NEO1: variants seen among roughly 807,000 people sequenced by gnomAD.
NEO1 encodes neogenin.
Under a neutral mutation model 159.7 loss-of-function variants are expected in NEO1, and 63 were observed. The ratio of observed to expected loss-of-function variants is 0.39; its 90% confidence interval spans 0.32 to 0.49. The LOEUF (loss-of-function observed/expected upper bound fraction) is 0.49, where lower values mean the gene tolerates loss of function less well. NEO1 is among the 20% of genes least tolerant of loss of function. The pLI, the probability that NEO1 is intolerant of heterozygous loss-of-function variation, is 0.85. For missense variants in NEO1, 1,615 were observed against 1,831.0 expected (o/e 0.88, Z 2.15); for synonymous variants, 633 against 662.0 (o/e 0.96, Z 0.67).
At chr15:73,075,657 T>C (rs1567138470) in intron 1 of NEO1, among the ~76,000 whole-genome samples, 1 of 33,756 alleles carries the variant, frequency 3.0e-5, no homozygotes, top group African/African-American at 8.6e-5. Flanking sequence ...CATGTGAAGA[T>C]TGAGCCTGTT....
chr15:73,249,481 T>C, intron 10 of NEO1, 102 bp from the exon 11 acceptor site: 1 of 1,277,878 alleles, frequency 7.8e-7, no homozygotes. Context: ...AGGGATAAAA[T>C]CTGTTTCATG....
chr15:73,263,302 T>A (rs2040718368), intron 15 of NEO1, among the ~76,000 whole-genome samples: 1 of 151,516 alleles, frequency 6.6e-6, no homozygotes, highest in Non-Finnish European at 1.5e-5. Context: ...CAAATGATTC[T>A]CCTGCCTCAA....
chr15:73,236,155 A>G, intron 7 of NEO1, 192 bp from the exon 8 acceptor site: 1 of 745,174 alleles, frequency 1.3e-6, no homozygotes, highest in Non-Finnish European at 2.1e-6. Context: ...GGCCTTTTTT[A>G]TGTTCATTCA....
intron 7 of NEO1, among the ~76,000 whole-genome samples, chr15:73,187,028 G>A (rs764271681): frequency 4.7e-4 from 72 of 152,190 alleles, no homozygotes; most frequent in Non-Finnish European, 8.2e-4. Context: ...AATGGTATAT[G>A]TAGTGTAGTC....
At chr15:73,056,863 C>T (rs1194227860) in intron 1 of NEO1, among the ~76,000 whole-genome samples, 1 of 152,138 alleles carries the variant, frequency 6.6e-6, no homozygotes, top group Non-Finnish European at 1.5e-5. Flanking sequence ...AAAGAAAAGA[C>T]TGATGGCGTT....
chr15:73,152,143 G>C (rs900650972), intron 5 of NEO1, among the ~76,000 whole-genome samples: 1 of 152,116 alleles, frequency 6.6e-6, no homozygotes, highest in African/African-American at 2.4e-5. Context: ...CCCAGTTCCT[G>C]GCGCATATCT....
At chr15:73,279,556 C>A (rs1323430866) in intron 22 of NEO1, among the ~76,000 whole-genome samples, 1 of 151,932 alleles carries the variant, frequency 6.6e-6, no homozygotes, top group South Asian at 2.1e-4. Context: ...ACCATGTTGG[C>A]CAGACTAGTC....
chr15:73,283,053 G>A lies in NEO1; in HGVS notation c.3352G>A (p.Val1118Met), dbSNP rs746965566. The A allele has an allele frequency of 1.1e-5, 18 of 1,614,170 alleles. No individual in the cohort carries two copies. The highest frequency in any genetic ancestry group is 5.5e-5 in the South Asian group (5 of 91,076). ...TGTTTCTGTTGGCGTCATCACCATC[G>A]TGGTGGTTGTGATTATCGCTGTCTT... is the stretch of plus-strand genomic sequence containing the variant. ...IIVSVGVITI[V>M]VVVIIAVFCT... Residue 1118 changes from valine to methionine, a missense_variant, in exon 23 of 29, where the codon GTG becomes ATG. Transcript: ENST00000261908.
At chr15:73,212,288 G>GTGC (rs2037626072) in intron 7 of NEO1, among the ~76,000 whole-genome samples, 1 of 152,166 alleles carries the variant, frequency 6.6e-6, no homozygotes, top group South Asian at 2.1e-4. Context: ...TCCTCCTGAA[G>GTGC]TGCTGCTGAT....
rs529370037 is a variant in NEO1 at position 73,297,175 on chromosome 15, G to A, written c.3902-1173G>A. Among the ~76,000 whole-genome samples the A allele has an allele frequency of 3.6e-4, 55 of 152,260 alleles. No homozygotes were observed. The South Asian group carries it at 8.7e-3, about 24-fold the overall frequency. ...TGGTGCTGCTTCTGCCCCACAGGGT[G>A]GGGGCAAGTGGTAGTCTGGGTGTGG... On this transcript the variant is annotated intron_variant, in intron 26 of 28. Transcript: ENST00000261908.
intron 7 of NEO1, among the ~76,000 whole-genome samples, chr15:73,185,801 G>A (rs938829179): frequency 2.2e-4 from 33 of 152,120 alleles, no homozygotes; most frequent in African/African-American, 8.0e-4. Context: ...TCATTGAACA[G>A]AGCATCTAAG....
intron 5 of NEO1, among the ~76,000 whole-genome samples, chr15:73,159,054 G>A (rs540036996): frequency 5.3e-5 from 8 of 152,218 alleles, no homozygotes; most frequent in African/African-American, 9.6e-5. Flanking sequence ...CTTGAGCCCC[G>A]GAGTTTGAGT....
intron 27 of NEO1, 121 bp from the exon 28 acceptor site, chr15:73,301,200 T>C (rs2151190927): frequency 7.9e-7 from 1 of 1,266,722 alleles, no homozygotes; most frequent in Non-Finnish European, 1.1e-6. Context: ...TTCAGAGCAG[T>C]ATCCCTGCAC....
intron 4 of NEO1, among the ~76,000 whole-genome samples, chr15:73,131,526 G>T (rs578006290): frequency 2.6e-5 from 4 of 152,240 alleles, no homozygotes; most frequent in South Asian, 4.1e-4. Context: ...GTATCTGCAA[G>T]ATTTTACCTT....
chr15:73,173,121 G>A (rs766767430), intron 5 of NEO1, among the ~76,000 whole-genome samples: 1 of 152,152 alleles, frequency 6.6e-6, no homozygotes, highest in African/African-American at 2.4e-5. Flanking sequence ...AAGACTCACA[G>A]TTGCAAACAT....
At chr15:73,143,808 T>C (rs773142009) in intron 5 of NEO1, among the ~76,000 whole-genome samples, 16 of 152,224 alleles carry the variant, frequency 1.1e-4, no homozygotes, top group Non-Finnish European at 2.1e-4. Context: ...AAGATTAGTT[T>C]ACTTGACCCC....
chr15:73,174,459 G>A (rs949398530), intron 5 of NEO1, among the ~76,000 whole-genome samples: 2 of 152,188 alleles, frequency 1.3e-5, no homozygotes, highest in African/African-American at 4.8e-5. Flanking sequence ...TATCCAATGG[G>A]ATGCAGTGTG....
At chr15:73,069,146 A>G (rs1265017968) in intron 1 of NEO1, among the ~76,000 whole-genome samples, 1 of 75,282 alleles carries the variant, frequency 1.3e-5, no homozygotes. Context: ...TTTTTTTTGT[A>G]GAGACAGGGT....
chr15:73,163,292 T>C (rs143627489), intron 5 of NEO1, among the ~76,000 whole-genome samples: 17 of 152,332 alleles, frequency 1.1e-4, no homozygotes, highest in African/African-American at 4.1e-4. Context: ...TTATTTTTCT[T>C]TTAAAAATTA....
Sources: allele counts gnomAD v4.1 joint callset (sites outside exome capture counted in the v4.1 genomes callset), GRCh38; gene constraint gnomAD v4.1.1; transcripts MANE v1.5; gene names NCBI Gene and HGNC (gene_info 2026-07-23, HGNC 2026-07-21).